Variants in RGS12 observed in about 807,000 individuals in gnomAD.
RGS12 encodes the protein regulator of G protein signaling 12.
Under a neutral mutation model 120.1 loss-of-function variants are expected in RGS12, and 66 were observed. That is an observed-to-expected ratio of 0.55 (90% CI 0.45 to 0.67). The LOEUF is 0.67. RGS12 is among the 30% of genes least tolerant of loss of function. The probability of loss-of-function intolerance (pLI) is 0.00; values close to 1 mark genes in which losing one functional copy is unlikely to be tolerated. For missense variants in RGS12, 1,859 were observed against 1,957.7 expected, an observed-to-expected ratio of 0.95 and a Z score of 0.95; for synonymous variants, 827 against 804.7, an observed-to-expected ratio of 1.03 and a Z score of -0.47.
chr4:3,331,380 A>G (rs958317993), intron 2 of RGS12, among the ~76,000 whole-genome samples: 2 of 152,190 alleles, frequency 1.3e-5, no homozygotes, highest in Non-Finnish European at 2.9e-5. Context: ...TATGATGGGA[A>G]TATGAACATA....
chr4:3,345,056 A>G (rs890906671), intron 3 of RGS12, among the ~76,000 whole-genome samples: 3 of 152,264 alleles, frequency 2.0e-5, no homozygotes, highest in African/African-American at 7.2e-5. Flanking sequence ...TGCATGCTGT[A>G]GTAAACTATG....
At chr4:3,287,270 C>A in the RGS12 span, among the ~76,000 whole-genome samples, 1 of 152,106 alleles carries the variant, frequency 6.6e-6, no homozygotes, top group Non-Finnish European at 1.5e-5. Context: ...TGAGGCGATG[C>A]TTTCTGATTT....
chr4:3,328,441 G>A (rs1725706418), intron 2 of RGS12, among the ~76,000 whole-genome samples: 1 of 152,210 alleles, frequency 6.6e-6, no homozygotes, highest in Non-Finnish European at 1.5e-5. Flanking sequence ...GGTCTGTGAA[G>A]AGCCAGTTTA....
At chr4:3,353,090 C>G (rs1433099800) in intron 3 of RGS12, among the ~76,000 whole-genome samples, 1 of 152,210 alleles carries the variant, frequency 6.6e-6, no homozygotes, top group Non-Finnish European at 1.5e-5. Flanking sequence ...GTACTTTCCG[C>G]TTCTTGCTCA....
At chr4:3,363,594 C>A (rs1432612103) in intron 3 of RGS12, among the ~76,000 whole-genome samples, 2 of 152,100 alleles carry the variant, frequency 1.3e-5, no homozygotes, top group African/African-American at 4.8e-5. Context: ...AAACCACAGC[C>A]CTGCCTGCCG....
the RGS12 span, among the ~76,000 whole-genome samples, chr4:3,287,149 C>G: frequency 6.6e-6 from 1 of 152,224 alleles, no homozygotes; most frequent in Admixed American, 6.5e-5. Context: ...GAGCGAGCAG[C>G]GCCCAGGCCC....
At chr4:3,415,882 C>A in intron 6 of RGS12, 96 bp from the exon 7 acceptor site, 1 of 1,336,190 alleles carries the variant, frequency 7.5e-7, no homozygotes. Context: ...CCCGTGAGAA[C>A]ACATCTGTAG....
intron 2 of RGS12, among the ~76,000 whole-genome samples, chr4:3,332,043 G>A (rs1048677090): frequency 1.3e-5 from 2 of 152,208 alleles, no homozygotes; most frequent in East Asian, 1.9e-4. Context: ...AGCCCCCACC[G>A]TCCTGGAATA....
At chr4:3,339,518 A>T (rs959284356) in intron 2 of RGS12, among the ~76,000 whole-genome samples, 1 of 152,170 alleles carries the variant, frequency 6.6e-6, no homozygotes, top group African/African-American at 2.4e-5. Flanking sequence ...ATCACTGTCC[A>T]TCTAAATAAC....
At chr4:3,362,401 ATGTGAGGGTGTATC>A (rs1258097400) in intron 3 of RGS12, among the ~76,000 whole-genome samples, 14 of 134,044 alleles carry the variant, frequency 1.0e-4, no homozygotes, top group Middle Eastern at 5.3e-3. Flanking sequence ...GTGTGAAGGT[ATGTGAGGGTGTATC>A]TGTGAGGGTA....
chr4:3,289,599 T>C (rs1722970344), upstream of RGS12, among the ~76,000 whole-genome samples: 1 of 152,232 alleles, frequency 6.6e-6, no homozygotes, highest in African/African-American at 2.4e-5. Flanking sequence ...AATCTGATGC[T>C]TTGATATATG....
At chr4:3,356,518 A>G (rs528656620) in intron 3 of RGS12, among the ~76,000 whole-genome samples, 74 of 152,012 alleles carry the variant, frequency 4.9e-4, no homozygotes, top group African/African-American at 1.8e-3. Flanking sequence ...ATACCCCTTA[A>G]ACACTAATTC....
chr4:3,390,752 G>A lies in RGS12; in HGVS notation c.2020+4315G>A, dbSNP rs905902834. Among the ~76,000 whole-genome samples, 14 of 152,220 alleles carry A rather than the reference G, an allele frequency of 9.2e-5. No homozygotes were observed. Among genetic ancestry groups the A allele is most frequent in the Admixed American group, 8.5e-4 (13 of 15,284 alleles). ...TCTCCTAGCCTTGTGTCTTCATCTC[G>A]CCGGTCCTTGTTAGCGAACAGGCAC... On this transcript the variant is annotated intron_variant, in intron 4 of 17. Coordinates refer to ENST00000336727, the MANE Select transcript of RGS12 (RefSeq NM_001394154.1). This position sits in a 1 kb window ranked among gnomAD's most constrained non-coding sequence, Gnocchi z 4.6.
chr4:3,431,765 C>G lies in RGS12; in HGVS notation c.4114+810C>G, dbSNP rs553068248. On this transcript the variant is annotated intron_variant, in intron 17 of 17. Transcript: ENST00000336727. ...GCGTCATGGAGTGTGCTCAGGGGTG[C>G]GTGGACACCTCTGCTGTGGTTTGCT... 130 of 985,610 alleles carry G rather than the reference C, an allele frequency of 1.3e-4. No individual in the cohort carries two copies. The African/African-American group carries it at 2.1e-3, about 16-fold the overall frequency. The allele number at this position is 985,610 out of a possible 1,614,324, so 61.1% of individuals were successfully genotyped here.
chr4:3,403,473 C>G (rs536277385), intron 4 of RGS12, among the ~76,000 whole-genome samples: 1 of 152,210 alleles, frequency 6.6e-6, no homozygotes, highest in African/African-American at 2.4e-5. Context: ...AGTCTGGGCC[C>G]AGCATAGTCA....
intron 3 of RGS12, chr4:3,370,061 C>A: frequency 1.6e-6 from 2 of 1,262,942 alleles, no homozygotes; most frequent in Non-Finnish European, 2.0e-6. Context: ...ATGTAAACGG[C>A]GCTTCTTTCT....
At chr4:3,332,660 C>A (rs1247919371) in intron 2 of RGS12, among the ~76,000 whole-genome samples, 3 of 152,234 alleles carry the variant, frequency 2.0e-5, no homozygotes, top group African/African-American at 7.2e-5. Context: ...CCTCTCTCCT[C>A]TTGGGCTGTC....
intron 1 of RGS12, among the ~76,000 whole-genome samples, chr4:3,300,637 A>G (rs887853052): frequency 6.6e-6 from 1 of 152,176 alleles, no homozygotes; most frequent in African/African-American, 2.4e-5. Context: ...CGAAGGCTTT[A>G]GGGGGAGACC....
intron 1 of RGS12, among the ~76,000 whole-genome samples, chr4:3,309,689 A>G (rs1724230573): frequency 8.8e-6 from 1 of 113,874 alleles, no homozygotes. Flanking sequence ...CGCTGAGGGG[A>G]ACCGTGCAGG....
Sources: allele counts gnomAD v4.1 joint callset (sites outside exome capture counted in the v4.1 genomes callset), GRCh38; gene constraint gnomAD v4.1.1; non-coding constraint Gnocchi (gnomAD v3.1); transcripts MANE v1.5; gene names NCBI Gene and HGNC (gene_info 2026-07-23, HGNC 2026-07-21).